ZNF385D: variants seen among roughly 807,000 people sequenced by gnomAD.
ZNF385D encodes the protein zinc finger protein 659.
A neutral mutation model predicts 35.8 loss-of-function variants in ZNF385D; 15 were observed. The observed-to-expected ratio is 0.42, with a 90% CI of 0.28 to 0.64. The LOEUF is 0.64. Ranked by LOEUF, ZNF385D falls within the 30% of genes least tolerant of loss-of-function variation. The pLI, the probability that ZNF385D is intolerant of heterozygous loss-of-function variation, is 0.23. For missense variants in ZNF385D, 474 were observed against 494.6 expected, an observed-to-expected ratio of 0.96 and a Z score of 0.39; for synonymous variants, 212 against 186.8, an observed-to-expected ratio of 1.13 and a Z score of -1.10.
intron 2 of ZNF385D, among the ~76,000 whole-genome samples, chr3:22,286,164 CAT>C (rs960551595): frequency 3.3e-5 from 5 of 152,028 alleles, no homozygotes; most frequent in East Asian, 1.9e-4. Context: ...TTATCAATCA[CAT>C]ATAAAATCTG....
intron 3 of ZNF385D, among the ~76,000 whole-genome samples, chr3:22,060,400 C>T (rs1241234290): frequency 6.6e-6 from 1 of 152,154 alleles, no homozygotes; most frequent in Non-Finnish European, 1.5e-5. Context: ...TTCAATCAAC[C>T]ATCCACACAT....
At chr3:21,770,580 G>C (rs375265635) in intron 3 of ZNF385D, among the ~76,000 whole-genome samples, 18 of 152,106 alleles carry the variant, frequency 1.2e-4, no homozygotes, top group East Asian at 1.2e-3. Context: ...ATTAAAAAGT[G>C]AGGAAACAAC....
At chr3:22,294,311 C>A (rs1424409346) in intron 2 of ZNF385D, among the ~76,000 whole-genome samples, 2 of 152,016 alleles carry the variant, frequency 1.3e-5, no homozygotes, top group Non-Finnish European at 2.9e-5. Context: ...CCTCTTTGTA[C>A]AACTTCCCTC....
chr3:22,284,156 C>T (rs940471148), intron 2 of ZNF385D, among the ~76,000 whole-genome samples: 11 of 151,370 alleles, frequency 7.3e-5, no homozygotes, highest in African/African-American at 2.2e-4. Flanking sequence ...AAAGCTTAAA[C>T]ATTATCAATA....
rs1433352640 is a variant in ZNF385D, at chr3:21,985,378, G to C, written c.325+183439C>G. Among the ~76,000 whole-genome samples the C allele has an allele frequency of 4.8e-4, 55 of 114,226 alleles. 3 individuals are homozygous for C. Among genetic ancestry groups the C allele is most frequent in the African/African-American group, 1.5e-3 (39 of 25,558 alleles). 74.9% of individuals were successfully genotyped at this position (114,226 alleles called of 152,430 possible). The stretch of plus-strand genomic sequence containing the variant: ...TTTCTTGAGAGTTTTTAGCATGAAG[G>C]GTTGTTGAATTTTGTCAAAGGCTTT... On this transcript the variant is annotated intron_variant, in intron 3 of 5. Transcript: ENST00000494108.
chr3:21,580,330 T>TACC, intron 2 of ZNF385D, among the ~76,000 whole-genome samples: 2 of 152,248 alleles, frequency 1.3e-5, no homozygotes, highest in African/African-American at 4.8e-5. Flanking sequence ...AGACTTGAAA[T>TACC]AAGTAGTGTA....
intron 3 of ZNF385D, among the ~76,000 whole-genome samples, chr3:21,927,375 G>T (rs1700782708): frequency 6.6e-6 from 1 of 152,006 alleles, no homozygotes; most frequent in Admixed American, 6.6e-5. Flanking sequence ...ATTTATTTTG[G>T]AGAAATGGAA....
At chr3:22,229,568 C>T (rs1273863006) in intron 2 of ZNF385D, among the ~76,000 whole-genome samples, 2 of 152,260 alleles carry the variant, frequency 1.3e-5, no homozygotes, top group Non-Finnish European at 2.9e-5. Context: ...TTGCTCTCTC[C>T]TTTACCTGCC....
chr3:22,095,172 T>C (rs1297783427), intron 3 of ZNF385D, among the ~76,000 whole-genome samples: 3 of 149,344 alleles, frequency 2.0e-5, no homozygotes, highest in African/African-American at 4.9e-5. Context: ...TGGCCTCAAG[T>C]AGTCTTGGTC....
In ZNF385D at chr3:22,059,187, C is replaced by A. The variant is rs779160; in HGVS notation, c.325+109630G>T. 2.3e-3 allele frequency among the ~76,000 whole-genome samples: 347 copies of A among 151,974 alleles called. 1 individual carries two copies. Among genetic ancestry groups the A allele is most frequent in the African/African-American group, 8.1e-3 (334 of 41,444 alleles). On this transcript the variant is annotated intron_variant, in intron 3 of 5. Coordinates refer to the ZNF385D transcript ENST00000494108. ...TGTAATCATTGGAGGTGACTGCCCT[C>A]TGGTCAGGACTGAGCATTAATTTAA...
At position 22,329,370 on chromosome 3, in the gene ZNF385D, G is replaced by C. The variant is rs1694830248; in HGVS notation, c.106+43080C>G. 2.0e-5 allele frequency among the ~76,000 whole-genome samples: 3 copies of C among 152,058 alleles called. No individual in the cohort carries two copies. In the South Asian group the frequency reaches 6.2e-4, roughly 32 times the overall value. On this transcript the variant is annotated intron_variant, in intron 2 of 5. Coordinates refer to the ZNF385D transcript ENST00000494108. Reference sequence around the variant, plus strand: ...ACTCCATTTTCTGTGATCTCCAGAGGAATCTACATCAGTTCAAGTGTTGAT... The same window carrying C: ...ACTCCATTTTCTGTGATCTCCAGAGCAATCTACATCAGTTCAAGTGTTGAT...
intron 2 of ZNF385D, among the ~76,000 whole-genome samples, chr3:22,185,211 G>C (rs924635724): frequency 2.6e-5 from 4 of 152,080 alleles, no homozygotes; most frequent in Admixed American, 6.6e-5. Context: ...TAAATGTATA[G>C]ATCAATAATA....
At chr3:21,737,411 A>G (rs1367606006) in intron 1 of ZNF385D, among the ~76,000 whole-genome samples, 2 of 152,144 alleles carry the variant, frequency 1.3e-5, no homozygotes, top group African/African-American at 4.8e-5. Context: ...ACAATATGCA[A>G]AACAAGGTAC....
intron 3 of ZNF385D, among the ~76,000 whole-genome samples, chr3:22,066,042 G>A (rs987571052): frequency 2.0e-5 from 3 of 152,090 alleles, no homozygotes; most frequent in Non-Finnish European, 4.4e-5. Context: ...ACAACTGAAA[G>A]TGACAAAAGA....
intron 3 of ZNF385D, among the ~76,000 whole-genome samples, chr3:21,943,393 T>C (rs896145366): frequency 4.0e-5 from 6 of 151,780 alleles, no homozygotes; most frequent in African/African-American, 1.5e-4. Flanking sequence ...CTTATCTCTT[T>C]TTCTATGTTC....
At chr3:21,662,620 A>C (rs2066273751) in intron 2 of ZNF385D, among the ~76,000 whole-genome samples, 1 of 152,200 alleles carries the variant, frequency 6.6e-6, no homozygotes. Flanking sequence ...CCAACAATTC[A>C]CTTCAGTTGG....
At chr3:22,297,214 TCAACC>T (rs559863218) in intron 2 of ZNF385D, among the ~76,000 whole-genome samples, 34 of 152,144 alleles carry the variant, frequency 2.2e-4, no homozygotes, top group Non-Finnish European at 4.1e-4. Context: ...ACTGTGACAA[TCAACC>T]CCTTTATTCG....
intron 5 of ZNF385D, among the ~76,000 whole-genome samples, chr3:21,432,238 T>C (rs1701323884): frequency 7.2e-6 from 1 of 139,318 alleles, no homozygotes; most frequent in Non-Finnish European, 1.5e-5. Context: ...TCTTGACACT[T>C]TGATCTGCTC....
intron 2 of ZNF385D, among the ~76,000 whole-genome samples, chr3:22,359,834 T>C (rs1297629261): frequency 6.6e-6 from 1 of 151,932 alleles, no homozygotes; most frequent in Non-Finnish European, 1.5e-5. Flanking sequence ...ATTTATAATA[T>C]CATTTATATT....
Sources: allele counts gnomAD v4.1 joint callset (sites outside exome capture counted in the v4.1 genomes callset), GRCh38; gene constraint gnomAD v4.1.1; transcripts MANE v1.5; gene names NCBI Gene and HGNC (gene_info 2026-07-23, HGNC 2026-07-21).